Variants in HDAC9 observed in about 807,000 individuals in gnomAD.
The protein encoded by HDAC9 is MEF-2 interacting transcription repressor (MITR) protein.
HDAC9 carries 41 observed loss-of-function variants against 139.4 expected under a neutral mutation model. That is an observed-to-expected ratio of 0.29 (90% confidence interval 0.23 to 0.38). HDAC9 has a LOEUF of 0.38. HDAC9 is among the 10% of genes least tolerant of loss of function. The probability of loss-of-function intolerance (pLI) is 1.00; values close to 1 mark genes in which losing one functional copy is unlikely to be tolerated. For synonymous variants in HDAC9, 517 were observed against 476.2 expected, an observed-to-expected ratio of 1.09 and a Z score of -1.12; for missense variants, 1,147 against 1,297.0, an observed-to-expected ratio of 0.88 and a Z score of 1.78.
intron 1 of HDAC9, among the ~76,000 whole-genome samples, chr7:18,143,788 A>G (rs1047991168): frequency 1.5e-5 from 2 of 134,308 alleles, no homozygotes; most frequent in Non-Finnish European, 3.4e-5. Context: ...GCGAGACTCC[A>G]TCTCAAAAAA....
intron 12 of HDAC9, among the ~76,000 whole-genome samples, chr7:18,684,054 C>G (rs1026422131): frequency 4.0e-5 from 6 of 151,262 alleles, no homozygotes; most frequent in Admixed American, 1.3e-4. Context: ...CCCAGGAGTT[C>G]AAGACCAGCC....
intron 2 of HDAC9, among the ~76,000 whole-genome samples, chr7:18,268,290 C>G (rs1043129293): frequency 6.6e-6 from 1 of 152,112 alleles, no homozygotes; most frequent in Non-Finnish European, 1.5e-5. Flanking sequence ...ACAGTCGATA[C>G]ATACATTGCT....
chr7:18,340,845 T>C (rs1781950982), intron 1 of HDAC9, among the ~76,000 whole-genome samples: 1 of 151,596 alleles, frequency 6.6e-6, no homozygotes, highest in Non-Finnish European at 1.5e-5. Context: ...AATTTTCCCA[T>C]TTGGCATCAG....
At chr7:18,884,440 A>C (rs180757389) in intron 22 of HDAC9, among the ~76,000 whole-genome samples, 119 of 152,288 alleles carry the variant, frequency 7.8e-4, no homozygotes, top group East Asian at 2.3e-3. Context: ...AGAACACTCC[A>C]TGAGGAAAAG....
chr7:18,918,479 G>A (rs2129294365), intron 22 of HDAC9, among the ~76,000 whole-genome samples: 1 of 152,082 alleles, frequency 6.6e-6, no homozygotes, highest in South Asian at 2.1e-4. Context: ...CTTAATATAT[G>A]ATTTTTATAG....
intron 21 of HDAC9, 51 bp from the exon 22 acceptor site, chr7:18,874,427 T>C (rs1360885647): frequency 6.8e-6 from 8 of 1,175,378 alleles, no homozygotes; most frequent in South Asian, 4.0e-5. Context: ...GAACGATTTT[T>C]AAAGGTATTC....
Position 18,836,041 on chromosome 7 carries a change from A to G in HDAC9, c.2684+44A>G, listed in dbSNP as rs1048924218. The G allele has an allele frequency of 2.1e-5, 23 of 1,086,476 alleles. No homozygotes were observed. In the Admixed American group the frequency reaches 5.4e-4, roughly 25 times the overall value. 67.3% of individuals were successfully genotyped at this position (1,086,476 alleles called of 1,614,324 possible). On this transcript the variant is annotated intron_variant, in intron 21 of 25. Coordinates refer to ENST00000686413, the MANE Select transcript of HDAC9 (RefSeq NM_178425.4). Reference sequence around the variant, plus strand: ...CTGAAAGTGGCAAATTGGAAAATAAATGTCCATTGAAATAACACCAAATAT... The same window carrying G: ...CTGAAAGTGGCAAATTGGAAAATAAGTGTCCATTGAAATAACACCAAATAT...
chr7:18,741,534 G>A (rs997439291), intron 13 of HDAC9, among the ~76,000 whole-genome samples: 10 of 152,150 alleles, frequency 6.6e-5, no homozygotes, highest in African/African-American at 2.4e-4. Context: ...AATTGACTGT[G>A]TACCTGGTCA....
intron 1 of HDAC9, among the ~76,000 whole-genome samples, chr7:18,438,135 T>A (rs572627445): frequency 1.3e-5 from 2 of 151,446 alleles, no homozygotes; most frequent in African/African-American, 4.8e-5. Context: ...AAATAGTATA[T>A]AAGTTCTCAC....
chr7:18,169,986 T>G (rs1788298441), intron 2 of HDAC9, among the ~76,000 whole-genome samples: 1 of 152,220 alleles, frequency 6.6e-6, no homozygotes, highest in African/African-American at 2.4e-5. Context: ...GTAATGGGAT[T>G]GCTGGGTCAA....
At chr7:18,907,838 C>T (rs1363359517) in intron 22 of HDAC9, among the ~76,000 whole-genome samples, 1 of 152,114 alleles carries the variant, frequency 6.6e-6, no homozygotes, top group East Asian at 1.9e-4. Flanking sequence ...TATCCATATG[C>T]AGAAGTTTGA....
intron 1 of HDAC9, among the ~76,000 whole-genome samples, chr7:18,154,119 T>G (rs1468360226): frequency 2.0e-5 from 3 of 152,238 alleles, no homozygotes; most frequent in African/African-American, 4.8e-5. Flanking sequence ...TCCCTTCACA[T>G]TTCTATAAAA....
intron 23 of HDAC9, among the ~76,000 whole-genome samples, chr7:18,950,051 C>T (rs1782684398): frequency 6.6e-6 from 1 of 151,946 alleles, no homozygotes; most frequent in Admixed American, 6.6e-5. Context: ...TTATAGAATA[C>T]ATTATGTTAT....
chr7:18,380,723 C>T (rs1785359631), intron 1 of HDAC9, among the ~76,000 whole-genome samples: 1 of 152,180 alleles, frequency 6.6e-6, no homozygotes, highest in Admixed American at 6.5e-5. Flanking sequence ...CATCAATAAG[C>T]TTCTCTTAGA....
chr7:18,208,080 C>G (rs1040752521), intron 2 of HDAC9, among the ~76,000 whole-genome samples: 5 of 152,152 alleles, frequency 3.3e-5, no homozygotes, highest in Admixed American at 2.0e-4. Context: ...CTATGTGGAT[C>G]TCTAATTTCT....
At chr7:18,348,509 T>G (rs1211500737) in intron 1 of HDAC9, among the ~76,000 whole-genome samples, 1 of 152,138 alleles carries the variant, frequency 6.6e-6, no homozygotes, top group African/African-American at 2.4e-5. Flanking sequence ...TACCACTGTT[T>G]TTAGGCATCT....
intron 17 of HDAC9, among the ~76,000 whole-genome samples, chr7:18,820,190 T>G (rs1794857668): frequency 6.6e-6 from 1 of 152,182 alleles, no homozygotes; most frequent in Non-Finnish European, 1.5e-5. Context: ...TGTCTTCTGA[T>G]AGTTATATTT....
At position 18,815,334 on chromosome 7, in the gene HDAC9, G is replaced by T. The variant is rs73065879; in HGVS notation, c.2323-13827G>T. On this transcript the variant is annotated intron_variant, in intron 17 of 25. Coordinates refer to ENST00000686413, the MANE Select transcript of HDAC9 (RefSeq NM_178425.4). ...AAAATTTGGCCAATTGAATTGTTGGGCCTTATGTCAAATAAAACCACTGCT... is the reference window on the plus strand; with the variant it reads ...AAAATTTGGCCAATTGAATTGTTGGTCCTTATGTCAAATAAAACCACTGCT... Among the ~76,000 whole-genome samples the T allele has an allele frequency of 4.2e-3, 641 of 151,756 alleles. 1 individual carries two copies. Among genetic ancestry groups the T allele is most frequent in the African/African-American group, 8.9e-3 (369 of 41,246 alleles).
chr7:18,319,930 T>C (rs182742487), intron 1 of HDAC9, among the ~76,000 whole-genome samples: 1 of 152,378 alleles, frequency 6.6e-6, no homozygotes, highest in Non-Finnish European at 1.5e-5. Context: ...GAATCTATTT[T>C]AGTTACTCTA....
Sources: gnomAD v4.1 joint callset for allele counts (sites outside exome capture counted in the v4.1 genomes callset) on GRCh38, gnomAD v4.1.1 for gene constraint, MANE v1.5 for transcripts, NCBI Gene and HGNC (gene_info 2026-07-23, HGNC 2026-07-21) for gene names.